Variants in FGD3 observed in about 807,000 individuals in gnomAD.
FGD3 encodes the protein FYVE, RhoGEF and PH domain containing 3.
FGD3 carries 45 observed loss-of-function variants against 71.8 expected under a neutral mutation model. The observed-to-expected ratio is 0.63, with a 90% CI of 0.49 to 0.80. The LOEUF (loss-of-function observed/expected upper bound fraction) is 0.80. Among genes scored for constraint, FGD3 ranks in the 30% least tolerant of loss-of-function variants. FGD3 has a pLI of 0.00. For synonymous variants in FGD3, 378 were observed against 392.8 expected (o/e 0.96, Z 0.44); for missense variants, 844 against 951.5 (o/e 0.89, Z 1.49).
chr9:93,012,090 C>G (rs1235749474), intron 8 of FGD3, among the ~76,000 whole-genome samples: 1 of 131,724 alleles, frequency 7.6e-6, no homozygotes, highest in Non-Finnish European at 1.6e-5. Flanking sequence ...GGAGGCGGAG[C>G]TTGCAGTGAG....
At position 93,006,109 on chromosome 9, in the gene FGD3, C is replaced by G. The variant is rs768103250; in HGVS notation, c.766C>G (p.Arg256Gly). 6.8e-6 allele frequency: 11 copies of G among 1,613,008 alleles called. No homozygotes were observed. In the African/African-American group the frequency reaches 1.3e-4, roughly 20 times the overall value. ...MYGEYVKNFD[R>G]AVGLVSTWTQ... Reference sequence around the variant, plus strand: ...CGGCGAGTATGTCAAGAACTTTGACCGAGCCGTAGGGCTGGTGAGCACGTG... The same window carrying G: ...CGGCGAGTATGTCAAGAACTTTGACGGAGCCGTAGGGCTGGTGAGCACGTG... Residue 256 changes from arginine to glycine, a missense_variant, in exon 6 of 18, where the codon CGA (arginine) becomes GGA (glycine). By Grantham distance (125) the Arg-to-Gly change is moderately radical. Transcript: ENST00000375482.
intron 8 of FGD3, among the ~76,000 whole-genome samples, chr9:93,012,957 C>T (rs1054074057): frequency 6.6e-6 from 1 of 151,616 alleles, no homozygotes; most frequent in Non-Finnish European, 1.5e-5. Context: ...CAGCTGCACA[C>T]GCAGCTCCCC....
intron 7 of FGD3, among the ~76,000 whole-genome samples, chr9:93,010,950 GC>G (rs1376277426): frequency 6.6e-6 from 1 of 151,522 alleles, no homozygotes; most frequent in East Asian, 2.1e-4. Context: ...AACTGGTGTG[GC>G]TGGCAGGCAG....
chr9:93,013,916 C>T lies in FGD3; in HGVS notation c.1100C>T (p.Pro367Leu), dbSNP rs1861546735. 7 of 1,613,132 alleles carry T rather than the reference C, an allele frequency of 4.3e-6. No individual in the cohort carries two copies. The highest frequency in any genetic ancestry group is 5.1e-6 in the Non-Finnish European group (6 of 1,179,712). The change falls in exon 9 of 18, where the codon CCG becomes CTG. Residue 367 changes from proline (P) to leucine (L), a missense_variant. Physicochemically the swap from Pro to Leu is moderately conservative, Grantham distance 98. Coordinates refer to ENST00000375482, the MANE Select transcript of FGD3 (RefSeq NM_001083536.2). ...GGTGGGGAAGAAGACATTGTCAACC[C>T]GGCCAATGAACTGATCAAGGAGGGC... ...QLGGEEDIVNPANELIKEGQI... is the reference protein window; with the variant it reads ...QLGGEEDIVNLANELIKEGQI...
At chr9:93,033,288 C>T in intron 16 of FGD3, 1 of 180,010 alleles carries the variant, frequency 5.6e-6, no homozygotes, top group African/African-American at 6.1e-5. Flanking sequence ...CCCCCTCCTC[C>T]TCCTCCCCGT....
Position 92,981,662 on chromosome 9 carries a change from C to T in FGD3, c.453+4953C>T, listed in dbSNP as rs117875950. 5.3e-3 allele frequency among the ~76,000 whole-genome samples: 803 copies of T among 152,004 alleles called. 13 individuals are homozygous for T. The East Asian group carries it at 0.078, about 15-fold the overall frequency. Reference sequence around the variant, plus strand: ...TTAAAGTCTCCTAATATTATTTTGCCGATCTCTATTTTTTCCTTCAATTTT... The same window carrying T: ...TTAAAGTCTCCTAATATTATTTTGCTGATCTCTATTTTTTCCTTCAATTTT... On this transcript the variant is annotated intron_variant, in intron 3 of 17. Coordinates refer to ENST00000375482, the MANE Select transcript of FGD3 (RefSeq NM_001083536.2).
intron 1 of FGD3, among the ~76,000 whole-genome samples, chr9:92,958,059 C>G (rs999072427): frequency 2.8e-4 from 43 of 151,184 alleles, no homozygotes; most frequent in African/African-American, 1.0e-3. Flanking sequence ...AGTGCAGTGG[C>G]ATGATCTCGG....
intron 14 of FGD3, among the ~76,000 whole-genome samples, chr9:93,024,721 C>T (rs1263605344): frequency 6.6e-6 from 1 of 152,232 alleles, no homozygotes; most frequent in Non-Finnish European, 1.5e-5. Context: ...GTTGTAGGAA[C>T]AGCAGGAGCC....
Position 92,997,961 on chromosome 9 carries a change from C to G in FGD3, c.454-4964C>G, listed in dbSNP as rs148883581. Among the ~76,000 whole-genome samples the G allele has an allele frequency of 6.3e-3, 967 of 152,292 alleles. 57 individuals are homozygous for G. The East Asian group carries it at 0.14, about 22-fold the overall frequency. On this transcript the variant is annotated intron_variant, in intron 3 of 17. Transcript: ENST00000375482. ...AATTATGTGTCTTGGAGTTGCTCTT[C>G]TCAAGGAGTATCTTTGTGGCATTCT...
chr9:93,008,414 C>T (rs1255394436), intron 6 of FGD3, among the ~76,000 whole-genome samples: 1 of 152,182 alleles, frequency 6.6e-6, no homozygotes. Context: ...TGTATTTGTC[C>T]TCTTGGGTCT....
At chr9:93,005,757 A>G (rs1861026267) in intron 5 of FGD3, among the ~76,000 whole-genome samples, 1 of 152,202 alleles carries the variant, frequency 6.6e-6, no homozygotes, top group African/African-American at 2.4e-5. Flanking sequence ...TACTACTGCT[A>G]TCTCCTGTGT....
chr9:93,011,496 GT>G (rs1360924563), intron 8 of FGD3, among the ~76,000 whole-genome samples: 15 of 152,192 alleles, frequency 9.9e-5, no homozygotes, highest in Non-Finnish European at 2.9e-5. Flanking sequence ...CTATGCCTTA[GT>G]TTCCCCATCT....
intron 1 of FGD3, among the ~76,000 whole-genome samples, chr9:92,971,685 C>T (rs1564144650): frequency 1.3e-5 from 2 of 148,458 alleles, no homozygotes; most frequent in East Asian, 4.0e-4. Flanking sequence ...AAGCATTTCT[C>T]CTGCCTCAGC....
At chr9:93,006,733 AT>A (rs1248056423) in intron 6 of FGD3, among the ~76,000 whole-genome samples, 27 of 144,856 alleles carry the variant, frequency 1.9e-4, no homozygotes, top group South Asian at 1.3e-3. Flanking sequence ...TTTTTATTTT[AT>A]TTTTTTTTTT....
At chr9:92,995,960 A>T (rs1166121667) in intron 3 of FGD3, among the ~76,000 whole-genome samples, 3 of 152,052 alleles carry the variant, frequency 2.0e-5, no homozygotes, top group African/African-American at 7.2e-5. Flanking sequence ...TGTCTCTGCC[A>T]GGCTTTGGTA....
chr9:92,987,454 G>A (rs117909984), intron 3 of FGD3, among the ~76,000 whole-genome samples: 5,286 of 150,164 alleles, frequency 0.035, 115 homozygotes, highest in Middle Eastern at 0.07. Flanking sequence ...AAGAAAGAAA[G>A]AAAAAAAAGA....
intron 1 of FGD3, among the ~76,000 whole-genome samples, chr9:92,952,987 G>A (rs1056780247): frequency 6.6e-6 from 1 of 152,206 alleles, no homozygotes; most frequent in Non-Finnish European, 1.5e-5. Flanking sequence ...CCAAGTGATT[G>A]TGAGAATACC....
At chr9:93,006,212 T>C in intron 6 of FGD3, 32 bp downstream of exon 6, 1 of 1,506,560 alleles carries the variant, frequency 6.6e-7, no homozygotes, top group Non-Finnish European at 8.9e-7. Context: ...TGGACACAGA[T>C]GTTCTCAAGA....
intron 3 of FGD3, among the ~76,000 whole-genome samples, chr9:92,990,519 C>G (rs1860365969): frequency 6.6e-6 from 1 of 152,170 alleles, no homozygotes; most frequent in South Asian, 2.1e-4. Flanking sequence ...GAGAAGCTTT[C>G]AGCTTTTCTG....
Sources: allele counts gnomAD v4.1 joint callset (sites outside exome capture counted in the v4.1 genomes callset), GRCh38; gene constraint gnomAD v4.1.1; transcripts MANE v1.5; gene names NCBI Gene and HGNC (gene_info 2026-07-23, HGNC 2026-07-21).